The following TBC1D19 variants were observed in gnomAD, a reference collection of about 807,000 sequenced individuals.
The protein encoded by TBC1D19 is TBC1 domain family, member 19.
In TBC1D19, 60 loss-of-function variants were observed where a neutral mutation model predicts 89.0. The observed-to-expected ratio is 0.67, with a 90% CI of 0.55 to 0.84. The LOEUF is 0.84. TBC1D19 is among the 40% of genes least tolerant of loss of function. The pLI, the probability that TBC1D19 is intolerant of heterozygous loss-of-function variation, is 0.00. For missense variants in TBC1D19, 500 were observed against 610.8 expected (o/e 0.82, Z 1.91); for synonymous variants, 189 against 199.7 (o/e 0.95, Z 0.45).
intron 6 of TBC1D19, among the ~76,000 whole-genome samples, chr4:26,639,160 C>T (rs1221705131): frequency 6.6e-6 from 1 of 152,134 alleles, no homozygotes; most frequent in Non-Finnish European, 1.5e-5. Flanking sequence ...AGGGTCCTTT[C>T]ACCTCAGCCT....
chr4:26,697,790 G>A (rs1714941045), intron 13 of TBC1D19, among the ~76,000 whole-genome samples: 2 of 152,104 alleles, frequency 1.3e-5, no homozygotes, highest in Non-Finnish European at 2.9e-5. Flanking sequence ...ATGCAGGAAA[G>A]GCCTTTGACA....
chr4:26,583,439 G>A (rs145907305), upstream of TBC1D19, among the ~76,000 whole-genome samples: 145 of 152,270 alleles, frequency 9.5e-4, no homozygotes, highest in Non-Finnish European at 1.2e-3. Context: ...GAATCTAGAC[G>A]GTAAATTCCT....
intron 15 of TBC1D19, among the ~76,000 whole-genome samples, chr4:26,723,754 A>T (rs11937465): frequency 5.3e-5 from 8 of 151,944 alleles, no homozygotes; most frequent in African/African-American, 1.9e-4. Context: ...CATTTGATAA[A>T]TATTTATTTA....
the TBC1D19 span, among the ~76,000 whole-genome samples, chr4:26,837,940 G>C: frequency 2.0e-5 from 3 of 152,304 alleles, no homozygotes; most frequent in East Asian, 5.8e-4. Context: ...CCTAAAAAAT[G>C]ACTGTCACAT....
At chr4:26,579,345 T>C (rs1739027285), upstream of TBC1D19, among the ~76,000 whole-genome samples, 1 of 152,214 alleles carries the variant, frequency 6.6e-6, no homozygotes, top group African/African-American at 2.4e-5. Context: ...CCAGACTCTC[T>C]TGTAACTAGC....
chr4:26,620,959 A>C (rs1371556908), intron 4 of TBC1D19, among the ~76,000 whole-genome samples: 1 of 152,226 alleles, frequency 6.6e-6, no homozygotes, highest in Non-Finnish European at 1.5e-5. Context: ...ATATGGTACA[A>C]GTGTAATGTG....
the TBC1D19 span, among the ~76,000 whole-genome samples, chr4:26,810,402 C>T: frequency 6.6e-6 from 1 of 152,180 alleles, no homozygotes; most frequent in Non-Finnish European, 1.5e-5. Context: ...CTATCCAGGC[C>T]ACTTACAAGG....
At chr4:26,683,602 T>C (rs1713547601) in intron 11 of TBC1D19, 73 bp from the exon 12 acceptor site, 1 of 1,209,302 alleles carries the variant, frequency 8.3e-7, no homozygotes, top group Admixed American at 1.8e-5. Context: ...AGAATACTAT[T>C]ATTATTTGAG....
At chr4:26,830,036 A>G in the TBC1D19 span, among the ~76,000 whole-genome samples, 3 of 152,138 alleles carry the variant, frequency 2.0e-5, no homozygotes, top group Non-Finnish European at 2.9e-5. Context: ...TTAGGGCCTT[A>G]GTGATTTGTC....
upstream of TBC1D19, among the ~76,000 whole-genome samples, chr4:26,580,787 C>T (rs530685941): frequency 7.2e-5 from 11 of 152,288 alleles, no homozygotes; most frequent in African/African-American, 2.6e-4. Context: ...TTTCAGTGTA[C>T]CCTTGAAGGG....
chr4:26,636,488 T>TAAAAAAAAA (rs71643685), intron 4 of TBC1D19, among the ~76,000 whole-genome samples: 3 of 130,986 alleles, frequency 2.3e-5, no homozygotes, highest in East Asian at 2.2e-4. Flanking sequence ...GTCAGTATCA[T>TAAAAAAAAA]AAAAAAAAAA....
At chr4:26,674,738 G>T (rs914289627) in intron 11 of TBC1D19, among the ~76,000 whole-genome samples, 2 of 151,720 alleles carry the variant, frequency 1.3e-5, no homozygotes, top group African/African-American at 4.8e-5. Context: ...ATGAAATAAC[G>T]TACATGTACT....
intron 11 of TBC1D19, among the ~76,000 whole-genome samples, chr4:26,683,204 G>A (rs1373317896): frequency 1.3e-5 from 2 of 152,096 alleles, no homozygotes; most frequent in African/African-American, 4.8e-5. Context: ...TTTTTGTATA[G>A]GTTGTGGGGC....
the TBC1D19 span, among the ~76,000 whole-genome samples, chr4:26,780,323 T>C: frequency 1.3e-5 from 2 of 152,222 alleles, no homozygotes; most frequent in Non-Finnish European, 2.9e-5. Context: ...CAGATAAAAC[T>C]GGTCGTCAGA....
chr4:26,748,429 G>A lies in TBC1D19; in HGVS notation c.1338G>A (p.Lys446=), dbSNP rs900272463. 1.9e-6 allele frequency: 3 copies of A among 1,613,484 alleles called. No individual in the cohort carries two copies. Among genetic ancestry groups the A allele is most frequent in the Admixed American group, 1.7e-5 (1 of 59,974 alleles). The change falls in exon 19 of 21, where the codon AAG becomes AAA. Residue 446 remains lysine, a synonymous_variant. Coordinates refer to ENST00000264866, the MANE Select transcript of TBC1D19 (RefSeq NM_018317.4). ...IGAQPLRISF[K]WMVRAFSGYL... ...CTTATAGACTTCGCATATCATTTAA[G>A]TGGATGGTTCGAGCTTTCTCTGGAT...
chr4:26,856,130 G>A, the TBC1D19 span, among the ~76,000 whole-genome samples: 3 of 151,912 alleles, frequency 2.0e-5, no homozygotes, highest in Non-Finnish European at 2.9e-5. Context: ...CCCATCCCTC[G>A]CCCCATTCAC....
chr4:26,745,274 G>A (rs560215579), intron 18 of TBC1D19, among the ~76,000 whole-genome samples: 2 of 151,160 alleles, frequency 1.3e-5, no homozygotes, highest in African/African-American at 4.9e-5. Flanking sequence ...TTTCTTAATC[G>A]GTGTGTTTAT....
the TBC1D19 span, among the ~76,000 whole-genome samples, chr4:26,803,161 G>A: frequency 6.6e-6 from 1 of 152,076 alleles, no homozygotes; most frequent in Non-Finnish European, 1.5e-5. Context: ...CAGATTTCCT[G>A]GGTGCCAAGG....
chr4:26,731,326 G>A (rs1717650460), intron 15 of TBC1D19, among the ~76,000 whole-genome samples: 1 of 152,140 alleles, frequency 6.6e-6, no homozygotes, highest in Non-Finnish European at 1.5e-5. Flanking sequence ...GAGGCTGAAG[G>A]GGTGGCGATC....
Sources: gnomAD v4.1 joint callset for allele counts (sites outside exome capture counted in the v4.1 genomes callset) on GRCh38, gnomAD v4.1.1 for gene constraint, MANE v1.5 for transcripts, NCBI Gene and HGNC (gene_info 2026-07-23, HGNC 2026-07-21) for gene names.